SOX6: variants seen among roughly 807,000 people sequenced by gnomAD.
SOX6 encodes SRY-box transcription factor 6.
A neutral mutation model predicts 97.8 loss-of-function variants in SOX6; 11 were observed. The ratio of observed to expected loss-of-function variants is 0.11; its 90% CI spans 0.07 to 0.19. SOX6 has a LOEUF of 0.19. Ranked by LOEUF, SOX6 falls within the 10% of genes least tolerant of loss-of-function variation. SOX6 has a pLI of 1.00. For synonymous variants in SOX6, 360 were observed against 371.4 expected (o/e 0.97, Z 0.35); for missense variants, 810 against 1,039.5 (o/e 0.78, Z 3.04).
intron 3 of SOX6, among the ~76,000 whole-genome samples, chr11:16,235,285 T>C (rs980877128): frequency 1.3e-5 from 2 of 152,100 alleles, no homozygotes; most frequent in African/African-American, 2.4e-5. Flanking sequence ...TAAATACCTA[T>C]ATAAATGCCA....
At chr11:16,093,867 C>T (rs1474465441) in intron 9 of SOX6, among the ~76,000 whole-genome samples, 6 of 151,888 alleles carry the variant, frequency 4.0e-5, no homozygotes, top group Non-Finnish European at 8.8e-5. Context: ...TATCTAGCAC[C>T]TTAGATATGG....
intron 4 of SOX6, among the ~76,000 whole-genome samples, chr11:16,505,884 G>A (rs540189747): frequency 6.6e-6 from 1 of 152,332 alleles, no homozygotes; most frequent in Admixed American, 6.5e-5. Flanking sequence ...GTGGGCAGAG[G>A]GCAAGAGTTG....
At chr11:16,276,731 T>C (rs1325142615) in intron 3 of SOX6, among the ~76,000 whole-genome samples, 1 of 152,192 alleles carries the variant, frequency 6.6e-6, no homozygotes, top group African/African-American at 2.4e-5. Context: ...ACCTTCAGAC[T>C]TCCTGCTATG....
At chr11:16,644,026 C>G (rs933724675) in intron 3 of SOX6, among the ~76,000 whole-genome samples, 8 of 152,174 alleles carry the variant, frequency 5.3e-5, no homozygotes, top group Non-Finnish European at 1.2e-4. Flanking sequence ...TAGACTGGAG[C>G]TGTTCCTATT....
chr11:16,338,382 T>C (rs922234941), intron 2 of SOX6, among the ~76,000 whole-genome samples: 3 of 151,838 alleles, frequency 2.0e-5, no homozygotes, highest in African/African-American at 7.2e-5. Flanking sequence ...ACACAATATA[T>C]GTAGGTTTGC....
At chr11:16,450,292 A>T (rs1271001849) in intron 1 of SOX6, among the ~76,000 whole-genome samples, 4 of 152,228 alleles carry the variant, frequency 2.6e-5, no homozygotes, top group African/African-American at 9.6e-5. Context: ...CACTTACCAT[A>T]TATGAAGTCT....
chr11:16,620,950 C>T (rs755158040), intron 3 of SOX6, among the ~76,000 whole-genome samples: 4 of 152,160 alleles, frequency 2.6e-5, no homozygotes, highest in Non-Finnish European at 5.9e-5. Context: ...TTCTTCTGTG[C>T]AGTTATTAAA....
At chr11:16,565,922 C>A (rs1847868687) in intron 4 of SOX6, among the ~76,000 whole-genome samples, 1 of 151,764 alleles carries the variant, frequency 6.6e-6, no homozygotes, top group Non-Finnish European at 1.5e-5. Context: ...TGGTGAAACC[C>A]CGTCTCTACT....
At chr11:16,034,275 A>T (rs1281087222) in intron 12 of SOX6, among the ~76,000 whole-genome samples, 2 of 152,206 alleles carry the variant, frequency 1.3e-5, no homozygotes, top group African/African-American at 4.8e-5. Context: ...CCATTGCGCA[A>T]TGCATTTTAC....
chr11:16,708,124 A>T (rs1590059555), intron 3 of SOX6, among the ~76,000 whole-genome samples: 1 of 152,314 alleles, frequency 6.6e-6, no homozygotes, highest in East Asian at 1.9e-4. Flanking sequence ...AGGGGAAACA[A>T]GTAATTTACC....
intron 1 of SOX6, among the ~76,000 whole-genome samples, chr11:16,388,903 T>TC (rs1371467436): frequency 6.6e-5 from 10 of 152,202 alleles, no homozygotes; most frequent in African/African-American, 2.4e-4. Context: ...TACATTTATA[T>TC]CTTTTGCCAA....
At chr11:16,498,913 T>A (rs546863010) in intron 4 of SOX6, among the ~76,000 whole-genome samples, 17 of 152,212 alleles carry the variant, frequency 1.1e-4, no homozygotes. Context: ...GACAGAAAGT[T>A]AACAAGCACA....
intron 4 of SOX6, among the ~76,000 whole-genome samples, chr11:16,188,912 A>C (rs183106439): frequency 1.3e-5 from 2 of 152,080 alleles, no homozygotes; most frequent in East Asian, 3.9e-4. Flanking sequence ...AAAATACAAA[A>C]ATTAGCTGGG....
chr11:16,706,468 AAAAATATATATATATATATATATAT>A (rs1298348949), intron 3 of SOX6, among the ~76,000 whole-genome samples: 2 of 25,996 alleles, frequency 7.7e-5, no homozygotes, highest in African/African-American at 3.6e-4. Flanking sequence ...AAAAAAAAAA[AAAAATATATATATATATATATATAT>A]ATATATATAT....
intron 3 of SOX6, among the ~76,000 whole-genome samples, chr11:16,309,234 T>A (rs1330896520): frequency 6.6e-6 from 1 of 152,206 alleles, no homozygotes. Context: ...TCATATGTTA[T>A]TGTTTGCACC....
chr11:16,622,532 T>A (rs1307101281), intron 3 of SOX6, among the ~76,000 whole-genome samples: 1 of 152,236 alleles, frequency 6.6e-6, no homozygotes, highest in Non-Finnish European at 1.5e-5. Flanking sequence ...TGGTTTTCCA[T>A]TCCTGAGTTA....
intron 3 of SOX6, among the ~76,000 whole-genome samples, chr11:16,640,408 GA>G (rs551946833): frequency 1.6e-3 from 248 of 152,292 alleles, no homozygotes; most frequent in South Asian, 3.9e-3. Context: ...TTGCTATCAG[GA>G]TGACGCTGGC....
chr11:16,072,999 A>G (rs1169068046), intron 9 of SOX6, among the ~76,000 whole-genome samples: 2 of 152,236 alleles, frequency 1.3e-5, no homozygotes, highest in Non-Finnish European at 2.9e-5. Flanking sequence ...AACACACTTA[A>G]GTACGCAGAC....
rs763540579 is a variant in SOX6 at position 16,164,267 on chromosome 11, C to T, written c.777+19619G>A. Among the ~76,000 whole-genome samples the T allele has an allele frequency of 2.6e-5, 4 of 152,132 alleles. 1 individual carries two copies. The highest frequency in any genetic ancestry group is 4.8e-5 in the African/African-American group (2 of 41,410). ...TACAGGGGTGAGCCACCATGCCCAGCCTAGAAATTCTTAAATAGACATTAA... is the reference window on the plus strand; with the variant it reads ...TACAGGGGTGAGCCACCATGCCCAGTCTAGAAATTCTTAAATAGACATTAA... On this transcript the variant is annotated intron_variant, in intron 6 of 15. Coordinates refer to ENST00000683767, the MANE Select transcript of SOX6 (RefSeq NM_001367873.1).
Sources: allele counts gnomAD v4.1 joint callset (sites outside exome capture counted in the v4.1 genomes callset), GRCh38; gene constraint gnomAD v4.1.1; transcripts MANE v1.5; gene names NCBI Gene and HGNC (gene_info 2026-07-23, HGNC 2026-07-21).